ZBTB40: variants seen among roughly 807,000 people sequenced by gnomAD.
ZBTB40 encodes the protein zinc finger and BTB domain containing 40.
In ZBTB40, 60 loss-of-function variants were observed where a neutral mutation model predicts 117.5. The ratio of observed to expected loss-of-function variants is 0.51; its 90% CI spans 0.41 to 0.63. The LOEUF is 0.63. Ranked by LOEUF, ZBTB40 falls within the 30% of genes least tolerant of loss-of-function variation. ZBTB40 has a pLI of 0.00. For missense variants in ZBTB40, 1,287 were observed against 1,498.5 expected (o/e 0.86, Z 2.33); for synonymous variants, 525 against 577.1 (o/e 0.91, Z 1.29).
intron 14 of ZBTB40, 132 bp downstream of exon 14, chr1:22,520,407 A>G (rs1245908511): frequency 2.6e-6 from 2 of 773,312 alleles, no homozygotes; most frequent in East Asian, 2.7e-5. Flanking sequence ...GCTGATTCTC[A>G]TGAAGGATGC....
At chr1:22,521,260 T>C (rs1344327834) in intron 14 of ZBTB40, among the ~76,000 whole-genome samples, 3 of 152,216 alleles carry the variant, frequency 2.0e-5, no homozygotes, top group African/African-American at 7.2e-5. Context: ...GGAATGGGCA[T>C]GTGAAGGACT....
intron 1 of ZBTB40, among the ~76,000 whole-genome samples, chr1:22,434,590 T>C (rs746804757): frequency 2.0e-5 from 3 of 152,196 alleles, no homozygotes; most frequent in Non-Finnish European, 2.9e-5. Context: ...CTTTTTATGG[T>C]TTATCCTAGC....
Position 22,521,774 on chromosome 1 carries a change from T to C in ZBTB40, c.3211+116T>C, listed in dbSNP as rs943787459. The C allele has an allele frequency of 1.8e-5, 26 of 1,466,586 alleles. No individual in the cohort carries two copies. The South Asian group carries it at 2.8e-4, about 16-fold the overall frequency. 90.8% of individuals were successfully genotyped at this position (1,466,586 alleles called of 1,614,324 possible). ...AGTGTGATGTGCAGTGGTCATTGCCTTTGTTCTGCCCCAGCGCACCTGTCC... is the reference window on the plus strand; with the variant it reads ...AGTGTGATGTGCAGTGGTCATTGCCCTTGTTCTGCCCCAGCGCACCTGTCC... On this transcript the variant is annotated intron_variant, in intron 15 of 17. Transcript: ENST00000375647.
At chr1:22,514,611 A>T (rs1456018518) in intron 12 of ZBTB40, among the ~76,000 whole-genome samples, 1 of 152,008 alleles carries the variant, frequency 6.6e-6, no homozygotes. Context: ...CCTTACTCAC[A>T]CTTACCTTCT....
Position 22,490,257 on chromosome 1 carries a change from T to G in ZBTB40, c.309T>G (p.Phe103Leu). ...CCTTAGCAGACAGTCTACAGATGTT[T>G]GATGTAGCTGTTAGCTGCAAAAATC... ...IISLADSLQM[F>L]DVAVSCKNLL... is the part of the protein sequence containing the mutation. Residue 103 changes from phenylalanine to leucine, a missense_variant, in exon 2 of 18, where the codon TTT becomes TTG. By Grantham distance (22) the Phe-to-Leu change is conservative. Around this residue, in one of 2 missense-constraint regions of ZBTB40, gnomAD observed 870 missense variants for 934.4 expected, o/e 0.93. Coordinates refer to ENST00000375647, the MANE Select transcript of ZBTB40 (RefSeq NM_014870.4). 1 of 1,614,220 alleles carries G rather than the reference T, an allele frequency of 6.2e-7. No homozygotes were observed. Among genetic ancestry groups the G allele is most frequent in the East Asian group, 2.2e-5 (1 of 44,888 alleles).
intron 12 of ZBTB40, among the ~76,000 whole-genome samples, chr1:22,515,686 AC>A (rs35544737): frequency 6.6e-6 from 1 of 151,550 alleles, no homozygotes; most frequent in African/African-American, 2.4e-5. Flanking sequence ...ATCCAAGACA[AC>A]CCCCCCATCA....
intron 1 of ZBTB40, among the ~76,000 whole-genome samples, chr1:22,437,639 C>T (rs1031656400): frequency 1.1e-4 from 16 of 151,344 alleles, no homozygotes; most frequent in African/African-American, 2.9e-4. Flanking sequence ...AGGCTGGTCT[C>T]GAACTCCTGA....
chr1:22,501,588 G>T lies in ZBTB40; in HGVS notation c.928G>T (p.Val310Leu). 1 of 1,614,168 alleles carries T rather than the reference G, an allele frequency of 6.2e-7. No homozygotes were observed. Among genetic ancestry groups the T allele is most frequent in the Non-Finnish European group, 8.5e-7 (1 of 1,180,020 alleles). ...GGAAAGCCTGGATGTTCAAACTGTT[G>T]TGTCCCTGTTGAGGCTGTACCAATA... ...REESLDVQTV[V>L]SLLRLYQYSN... Residue 310 changes from valine to leucine, a missense_variant, in exon 4 of 18, where the codon GTG becomes TTG. By Grantham distance (32) the Val-to-Leu change is conservative (BLOSUM62 1). Coordinates refer to ENST00000375647, the MANE Select transcript of ZBTB40 (RefSeq NM_014870.4).
At chr1:22,473,563 T>A (rs1270072414) in intron 1 of ZBTB40, among the ~76,000 whole-genome samples, 2 of 152,178 alleles carry the variant, frequency 1.3e-5, no homozygotes, top group East Asian at 3.8e-4. Context: ...TTATTTAGAA[T>A]ATGAAAAGAG....
chr1:22,431,340 A>G (rs1313590844), intron 1 of ZBTB40, among the ~76,000 whole-genome samples: 2 of 90,642 alleles, frequency 2.2e-5, no homozygotes, highest in Non-Finnish European at 3.8e-5. Flanking sequence ...TATATATTAT[A>G]TAGTGTATAT....
intron 1 of ZBTB40, among the ~76,000 whole-genome samples, chr1:22,473,618 T>C (rs1641466868): frequency 6.6e-6 from 1 of 152,168 alleles, no homozygotes; most frequent in East Asian, 1.9e-4. Flanking sequence ...CGATGTGAAT[T>C]GGTGATTGAG....
In ZBTB40 at chr1:22,491,524, A is replaced by G. The variant is rs767043943; in HGVS notation, c.822A>G (p.Pro274=). ...KLEMCSEIKG[P]QKEMIVKCFE... ...AAATGTGTTCAGAAATTAAAGGTCC[A>G]CAGAAGGAGGTAGGCACCTCTGACT... is the stretch of plus-strand genomic sequence containing the variant. Residue 274 remains proline, a synonymous_variant, in exon 3 of 18, where the codon CCA becomes CCG. Transcript: ENST00000375647. The G allele has an allele frequency of 3.7e-6, 6 of 1,613,892 alleles. No individual in the cohort carries two copies. The highest frequency in any genetic ancestry group is 5.1e-6 in the Non-Finnish European group (6 of 1,179,928).
intron 1 of ZBTB40, among the ~76,000 whole-genome samples, chr1:22,471,096 G>C (rs1641392786): frequency 6.6e-6 from 1 of 152,250 alleles, no homozygotes. Flanking sequence ...TTAAGACTTT[G>C]ACAGGTTAAG....
At chr1:22,488,020 T>C (rs190547738) in intron 1 of ZBTB40, among the ~76,000 whole-genome samples, 29 of 152,298 alleles carry the variant, frequency 1.9e-4, no homozygotes, top group African/African-American at 6.3e-4. Context: ...CCTGCCAGGA[T>C]TGCCTTTTCC....
intron 13 of ZBTB40, among the ~76,000 whole-genome samples, chr1:22,518,881 T>C (rs1471037573): frequency 6.6e-6 from 1 of 152,162 alleles, no homozygotes; most frequent in Non-Finnish European, 1.5e-5. Context: ...CCAGTAGCAT[T>C]ACCTGGGCGT....
Position 22,509,174 on chromosome 1 carries a change from A to G in ZBTB40, c.1774A>G (p.Lys592Glu). 1.2e-6 allele frequency: 2 copies of G among 1,614,130 alleles called. No homozygotes were observed. The highest frequency in any genetic ancestry group is 1.7e-6 in the Non-Finnish European group (2 of 1,180,010). ...GTTGATCTTGGAGGCCATCCAACAG[A>G]AGATTGAGTACAAGCTCTTTACCTC... ...NQLILEAIQQ[K>E]IEYKLFTSEE... The change falls in exon 9 of 18, where the codon AAG (lysine) becomes GAG (glutamate). Residue 592 changes from lysine to glutamate, a missense_variant. Around this residue, in one of 2 missense-constraint regions of ZBTB40, gnomAD observed 870 missense variants for 934.4 expected, o/e 0.93. Transcript: ENST00000375647.
chr1:22,500,421 A>G (rs950853109), intron 3 of ZBTB40, among the ~76,000 whole-genome samples: 1 of 152,222 alleles, frequency 6.6e-6, no homozygotes, highest in Non-Finnish European at 1.5e-5. Context: ...TAAAGGTGAT[A>G]GTTAAAGCTA....
At chr1:22,435,736 T>C (rs567999948) in intron 1 of ZBTB40, among the ~76,000 whole-genome samples, 162 of 152,194 alleles carry the variant, frequency 1.1e-3, no homozygotes, top group African/African-American at 3.7e-3. Flanking sequence ...AGTTAAAAAC[T>C]TCTGCTTTTG....
Position 22,513,146 on chromosome 1 carries a change from G to A in ZBTB40, c.2668+16G>A, listed in dbSNP as rs746162014. The A allele has an allele frequency of 9.9e-6, 16 of 1,611,596 alleles. No individual in the cohort carries two copies. The highest frequency in any genetic ancestry group is 1.4e-5 in the Non-Finnish European group (16 of 1,178,984). On this transcript the variant is annotated intron_variant, in intron 12 of 17. Coordinates refer to ENST00000375647, the MANE Select transcript of ZBTB40 (RefSeq NM_014870.4). The surrounding 1 kb of genome is among the most constrained non-coding windows in gnomAD (Gnocchi z 4.9). ...CACTCAGAAGGTAAGGCGGGGCACA[G>A]TTCATTTCTCCTGCAGACTTTCACT...
Sources: allele counts gnomAD v4.1 joint callset (sites outside exome capture counted in the v4.1 genomes callset), GRCh38; gene constraint gnomAD v4.1.1; regional missense constraint gnomAD v4.1.1; non-coding constraint Gnocchi (gnomAD v3.1); transcripts MANE v1.5; gene names NCBI Gene and HGNC (gene_info 2026-07-23, HGNC 2026-07-21).